FAM117B: variants seen among roughly 807,000 people sequenced by gnomAD.
FAM117B encodes protein FAM117B.
Under a neutral mutation model 52.8 loss-of-function variants are expected in FAM117B, and 22 were observed. That is an observed-to-expected ratio of 0.42 (90% CI 0.30 to 0.59). The LOEUF (loss-of-function observed/expected upper bound fraction) is 0.59. Among genes scored for constraint, FAM117B ranks in the 20% least tolerant of loss-of-function variants. The pLI, the probability that FAM117B is intolerant of heterozygous loss-of-function variation, is 0.22. For synonymous variants in FAM117B, 309 were observed against 324.1 expected (o/e 0.95, Z 0.50); for missense variants, 678 against 802.6 (o/e 0.84, Z 1.88).
At chr2:202,697,850 C>T (rs1020820913) in intron 2 of FAM117B, among the ~76,000 whole-genome samples, 10 of 151,694 alleles carry the variant, frequency 6.6e-5, no homozygotes, top group African/African-American at 1.2e-4. Context: ...ACACGTGGCC[C>T]GAGATAATGT....
intron 1 of FAM117B, among the ~76,000 whole-genome samples, chr2:202,694,095 A>C (rs935947264): frequency 4.6e-5 from 7 of 151,810 alleles, no homozygotes; most frequent in Non-Finnish European, 7.4e-5. Flanking sequence ...CAATTATTAA[A>C]TCATGTATGA....
chr2:202,717,683 C>T (rs951107599), intron 2 of FAM117B, among the ~76,000 whole-genome samples: 3 of 152,110 alleles, frequency 2.0e-5, no homozygotes, highest in Admixed American at 6.6e-5. Context: ...TGTTCTGAGC[C>T]CCCTGGAGCT....
Position 202,640,340 on chromosome 2 carries a change from A to ATATATATATATG in FAM117B, c.601+4555_601+4556insATATATATGTAT, listed in dbSNP as rs1371719386. 1.4e-3 allele frequency among the ~76,000 whole-genome samples: 151 copies of ATATATATATATG among 105,702 alleles called. 13 individuals are homozygous for ATATATATATATG. The highest frequency in any genetic ancestry group is 6.1e-3 in the African/African-American group (141 of 23,074). The allele number at this position is 105,702 out of a possible 152,430, so 69.3% of individuals were successfully genotyped here. A position where few individuals can be genotyped will look rare whatever the true frequency, so the allele number is the denominator to read the frequency against. The stretch of plus-strand genomic sequence containing the variant: ...TATATATATATATATATATATATAT[A>ATATATATATATG]TATGGCAAGTCGTGTTCTTGCTAGT... On this transcript the variant is annotated intron_variant, in intron 1 of 7. Coordinates refer to ENST00000392238, the MANE Select transcript of FAM117B (RefSeq NM_173511.4).
At chr2:202,703,184 C>T (rs1428419913) in intron 2 of FAM117B, among the ~76,000 whole-genome samples, 4 of 152,204 alleles carry the variant, frequency 2.6e-5, no homozygotes, top group Non-Finnish European at 4.4e-5. Context: ...TTTTTCCTCA[C>T]TATTAATACC....
intron 3 of FAM117B, 22 bp downstream of exon 3, chr2:202,725,031 T>C (rs1559110364): frequency 1.3e-6 from 2 of 1,571,600 alleles, no homozygotes; most frequent in Admixed American, 1.7e-5. Context: ...GGTTCTAAGA[T>C]AGTGGGTGTG....
chr2:202,731,694 T>C (rs1691353656), intron 4 of FAM117B, among the ~76,000 whole-genome samples: 1 of 151,914 alleles, frequency 6.6e-6, no homozygotes, highest in Non-Finnish European at 1.5e-5. Flanking sequence ...TCTTCCCAAG[T>C]GCTAGGATTA....
At chr2:202,737,370 C>A (rs1034298900) in intron 4 of FAM117B, among the ~76,000 whole-genome samples, 1 of 151,916 alleles carries the variant, frequency 6.6e-6, no homozygotes, top group Non-Finnish European at 1.5e-5. Context: ...GTAGATTATA[C>A]CACCACCACT....
At chr2:202,708,608 ATTTG>A (rs1690912130) in intron 2 of FAM117B, among the ~76,000 whole-genome samples, 2 of 151,892 alleles carry the variant, frequency 1.3e-5, no homozygotes, top group Non-Finnish European at 2.9e-5. Context: ...ATTTTTAATT[ATTTG>A]TTTTGTTTTT....
At chr2:202,639,438 C>T (rs75222899) in intron 1 of FAM117B, among the ~76,000 whole-genome samples, 3,437 of 152,256 alleles carry the variant, frequency 0.023, 118 homozygotes, top group African/African-American at 0.077. Flanking sequence ...ATAGCAAAGC[C>T]GTTTGTCATT....
intron 7 of FAM117B, among the ~76,000 whole-genome samples, chr2:202,764,017 C>T (rs1348608115): frequency 3.3e-5 from 5 of 152,186 alleles, no homozygotes; most frequent in Admixed American, 1.3e-4. Context: ...GTCTTAACCT[C>T]TTCTGTGCTG....
At chr2:202,643,230 A>G (rs1192836822) in intron 1 of FAM117B, among the ~76,000 whole-genome samples, 2 of 152,224 alleles carry the variant, frequency 1.3e-5, no homozygotes, top group African/African-American at 4.8e-5. Flanking sequence ...CAGCTTGTTT[A>G]TAGCTTTTAG....
Position 202,755,020 on chromosome 2 carries a change from G to GA in FAM117B, c.961-515dup, listed in dbSNP as rs1264587562. ...TAAATCATGGTGGAAGGCAAAGGGG[G>GA]AAAGACACAGGTCACATGGCCAAGC... On this transcript the variant is annotated intron_variant, in intron 4 of 7. Coordinates refer to ENST00000392238, the MANE Select transcript of FAM117B (RefSeq NM_173511.4). Among the ~76,000 whole-genome samples, 3 of 151,984 alleles carry GA rather than the reference G, an allele frequency of 2.0e-5. No individual in the cohort carries two copies. The East Asian group carries it at 5.8e-4, about 29-fold the overall frequency.
chr2:202,750,080 G>A (rs966958911), intron 4 of FAM117B, among the ~76,000 whole-genome samples: 5 of 152,194 alleles, frequency 3.3e-5, no homozygotes. Context: ...GTATTTGGTT[G>A]AGGGTTCTCC....
intron 1 of FAM117B, among the ~76,000 whole-genome samples, chr2:202,667,973 A>G (rs926231608): frequency 6.6e-6 from 1 of 151,410 alleles, no homozygotes; most frequent in Non-Finnish European, 1.5e-5. Context: ...CTGTAATTCT[A>G]GCACTTTGGG....
chr2:202,748,077 T>G (rs1256300818), intron 4 of FAM117B, among the ~76,000 whole-genome samples: 1 of 152,034 alleles, frequency 6.6e-6, no homozygotes, highest in Admixed American at 6.6e-5. Flanking sequence ...CACAAAGCTA[T>G]AGTCATCCAA....
intron 4 of FAM117B, among the ~76,000 whole-genome samples, chr2:202,747,475 C>A (rs1418659703): frequency 6.6e-6 from 1 of 151,988 alleles, no homozygotes; most frequent in African/African-American, 2.4e-5. Context: ...GACAGAAAGT[C>A]AAATTTTTCT....
At chr2:202,744,018 G>C (rs151174667) in intron 4 of FAM117B, among the ~76,000 whole-genome samples, 19 of 152,278 alleles carry the variant, frequency 1.2e-4, no homozygotes, top group African/African-American at 4.6e-4. Flanking sequence ...GATACAGGAA[G>C]TTCAAAGATC....
chr2:202,677,424 T>C (rs964216246), intron 1 of FAM117B, among the ~76,000 whole-genome samples: 2 of 152,250 alleles, frequency 1.3e-5, no homozygotes, highest in African/African-American at 2.4e-5. Flanking sequence ...TTGCTGCTTA[T>C]AGTAAAATGC....
intron 1 of FAM117B, among the ~76,000 whole-genome samples, chr2:202,661,557 T>TA (rs1574545682): frequency 6.6e-6 from 1 of 152,174 alleles, no homozygotes; most frequent in Non-Finnish European, 1.5e-5. Context: ...AATGAGTGTA[T>TA]AAACCTGGGC....
Sources: allele counts gnomAD v4.1 joint callset (sites outside exome capture counted in the v4.1 genomes callset), GRCh38; gene constraint gnomAD v4.1.1; transcripts MANE v1.5; gene names NCBI Gene and HGNC (gene_info 2026-07-23, HGNC 2026-07-21).